Variants in ANK3 observed in about 807,000 individuals in gnomAD.
The protein encoded by ANK3 is ankyrin-3.
In ANK3, 57 loss-of-function variants were observed where a neutral mutation model predicts 370.9. That is an observed-to-expected ratio of 0.15 (90% CI 0.12 to 0.19). ANK3 has a LOEUF of 0.19. ANK3 is among the 10% of genes least tolerant of loss of function. The probability of loss-of-function intolerance (pLI) is 1.00; values close to 1 mark genes in which losing one functional copy is unlikely to be tolerated. For missense variants in ANK3, 4,439 were observed against 5,302.1 expected (o/e 0.84, Z 5.06); for synonymous variants, 1,929 against 1,946.3 (o/e 0.99, Z 0.23).
At chr10:60,570,852 G>GA (rs893176088) in intron 2 of ANK3, among the ~76,000 whole-genome samples, 1 of 151,170 alleles carries the variant, frequency 6.6e-6, no homozygotes, top group East Asian at 1.9e-4. Flanking sequence ...AGAGAGAGGG[G>GA]AAAAAAAAGC....
chr10:60,040,335 T>C (rs1465689593), intron 43 of ANK3, among the ~76,000 whole-genome samples: 1 of 152,042 alleles, frequency 6.6e-6, no homozygotes, highest in African/African-American at 2.4e-5. Flanking sequence ...ATAAAAACTC[T>C]CAATATATTT....
At chr10:60,061,850 A>G in intron 40 of ANK3, 1 of 152,162 alleles carries the variant, frequency 6.6e-6, no homozygotes, top group East Asian at 1.9e-4. Context: ...GCAGAATTAG[A>G]AGTTAATTAG....
intron 7 of ANK3, among the ~76,000 whole-genome samples, chr10:60,257,919 T>C (rs1295752552): frequency 1.3e-5 from 2 of 152,228 alleles, no homozygotes; most frequent in African/African-American, 4.8e-5. Flanking sequence ...AGTTGAATAA[T>C]AATTTACAAG....
At chr10:60,723,490 A>T (rs2079894294) in intron 1 of ANK3, among the ~76,000 whole-genome samples, 1 of 152,204 alleles carries the variant, frequency 6.6e-6, no homozygotes, top group African/African-American at 2.4e-5. Flanking sequence ...TCTCACCTGT[A>T]TGCCACTCAT....
At chr10:60,218,390 A>AT (rs1185949162) in intron 8 of ANK3, among the ~76,000 whole-genome samples, 1 of 151,630 alleles carries the variant, frequency 6.6e-6, no homozygotes, top group Non-Finnish European at 1.5e-5. Flanking sequence ...TAGTCTTTAT[A>AT]TTTTGTCATG....
intron 2 of ANK3, among the ~76,000 whole-genome samples, chr10:60,454,306 G>C (rs747061571): frequency 6.6e-5 from 10 of 152,268 alleles, no homozygotes; most frequent in Non-Finnish European, 1.3e-4. Flanking sequence ...GGGAGAAAAA[G>C]AACAATCCAC....
intron 2 of ANK3, among the ~76,000 whole-genome samples, chr10:60,611,721 T>C (rs2078204221): frequency 6.6e-6 from 1 of 151,602 alleles, no homozygotes; most frequent in Non-Finnish European, 1.5e-5. Context: ...GTAAATCGAA[T>C]GCCCTGACAG....
intron 1 of ANK3, among the ~76,000 whole-genome samples, chr10:60,364,171 T>G (rs7905765): frequency 0.47 from 70,754 of 150,296 alleles, 17,771 homozygotes; most frequent in South Asian, 0.58. Flanking sequence ...GTGGGTGCCT[T>G]TAATCCCAGC....
intron 25 of ANK3, among the ~76,000 whole-genome samples, chr10:60,132,422 A>G (rs1378811785): frequency 6.6e-6 from 1 of 151,874 alleles, no homozygotes; most frequent in African/African-American, 2.4e-5. Flanking sequence ...ATGGTTTTAT[A>G]AGGGGGAGTT....
intron 1 of ANK3, among the ~76,000 whole-genome samples, chr10:60,282,579 T>A: frequency 6.6e-6 from 1 of 152,124 alleles, no homozygotes; most frequent in East Asian, 1.9e-4. Flanking sequence ...TCAGGAGTGC[T>A]AAGCTTGCTC....
intron 43 of ANK3, among the ~76,000 whole-genome samples, chr10:60,041,207 C>T (rs181486278): frequency 6.6e-5 from 10 of 152,258 alleles, no homozygotes; most frequent in South Asian, 4.1e-4. Flanking sequence ...GCATTTAGAG[C>T]GAGTGATGCA....
chr10:60,503,768 T>G (rs1032838923), intron 2 of ANK3, among the ~76,000 whole-genome samples: 5 of 152,204 alleles, frequency 3.3e-5, no homozygotes, highest in African/African-American at 1.2e-4. Context: ...CTTTACAAGC[T>G]GTTTCCCAGG....
intron 43 of ANK3, among the ~76,000 whole-genome samples, chr10:60,040,758 G>C (rs1236884384): frequency 3.9e-5 from 6 of 152,160 alleles, no homozygotes; most frequent in African/African-American, 1.4e-4. Flanking sequence ...AAATGGCTCA[G>C]CTGGTGTAGG....
intron 17 of ANK3, among the ~76,000 whole-genome samples, chr10:60,185,368 G>A (rs573312880): frequency 6.6e-6 from 1 of 152,210 alleles, no homozygotes; most frequent in African/African-American, 2.4e-5. Flanking sequence ...TAAAAGTGTT[G>A]AATGTTTTCT....
At chr10:60,146,084 A>C in intron 23 of ANK3, 1 of 1,526,032 alleles carries the variant, frequency 6.6e-7, no homozygotes, top group Non-Finnish European at 8.8e-7. Context: ...ACCACAGATC[A>C]GTCATATAAG....
intron 42 of ANK3, chr10:60,042,976 T>G: frequency 7.6e-7 from 1 of 1,319,696 alleles, no homozygotes; most frequent in South Asian, 2.2e-5. Flanking sequence ...ACAACATAAT[T>G]GTACTTGACA....
rs1172216321 is a variant in ANK3, at chr10:60,522,831, TG to T, written c.96+92354del. ...GATCTTATTGAAATCCTTAAATTAA[TG>T]AGGAAACCAGTAAGACATTACAACC... is the stretch of plus-strand genomic sequence containing the variant. On this transcript the variant is annotated intron_variant, in intron 2 of 43. Coordinates refer to the ANK3 transcript ENST00000373827. 3.3e-5 allele frequency among the ~76,000 whole-genome samples: 5 copies of T among 152,178 alleles called. No individual in the cohort carries two copies. The East Asian group carries it at 9.7e-4, about 29-fold the overall frequency.
intron 2 of ANK3, among the ~76,000 whole-genome samples, chr10:60,421,631 G>A (rs1464147182): frequency 3.3e-5 from 5 of 151,868 alleles, no homozygotes; most frequent in Admixed American, 2.6e-4. Context: ...TGACTCCCTA[G>A]GAGTTCCCCT....
At chr10:60,481,663 C>A (rs1004264916) in intron 2 of ANK3, among the ~76,000 whole-genome samples, 1 of 152,084 alleles carries the variant, frequency 6.6e-6, no homozygotes, top group African/African-American at 2.4e-5. Context: ...GGGGTTTCAC[C>A]ATGTTGGCCA....
Sources: gnomAD v4.1 joint callset for allele counts (sites outside exome capture counted in the v4.1 genomes callset) on GRCh38, gnomAD v4.1.1 for gene constraint, MANE v1.5 for transcripts, NCBI Gene and HGNC (gene_info 2026-07-23, HGNC 2026-07-21) for gene names.